The following SCN10A variants were observed in gnomAD, a reference collection of about 807,000 sequenced individuals.
SCN10A encodes sodium voltage-gated channel alpha subunit 10.
In SCN10A, 162 loss-of-function variants were observed where a neutral mutation model predicts 170.7. The observed-to-expected ratio is 0.95, with a 90% CI of 0.84 to 1.08. SCN10A has a LOEUF of 1.08. Among genes scored for constraint, SCN10A ranks in the 50% least tolerant of loss-of-function variants. The probability of loss-of-function intolerance (pLI) is 0.00; values close to 1 mark genes in which losing one functional copy is unlikely to be tolerated. For synonymous variants in SCN10A, 985 were observed against 904.6 expected (o/e 1.09, Z -1.59); for missense variants, 2,527 against 2,436.9 (o/e 1.04, Z -0.78).
intron 27 of SCN10A, among the ~76,000 whole-genome samples, chr3:38,700,953 C>T (rs995099650): frequency 2.0e-5 from 3 of 152,238 alleles, no homozygotes; most frequent in Admixed American, 2.0e-4. Flanking sequence ...CTGTTGGTGA[C>T]AGGCAGCAAG....
At chr3:38,706,675 A>C (rs1241886822) in intron 26 of SCN10A, among the ~76,000 whole-genome samples, 1 of 152,184 alleles carries the variant, frequency 6.6e-6, no homozygotes, top group Non-Finnish European at 1.5e-5. Context: ...CATTTAATGG[A>C]GGAACGCAAA....
intron 25 of SCN10A, among the ~76,000 whole-genome samples, chr3:38,708,937 T>G (rs2063240404): frequency 6.6e-6 from 1 of 152,190 alleles, no homozygotes; most frequent in Non-Finnish European, 1.5e-5. Context: ...GAAAGGATAA[T>G]AGGAAAATAC....
At chr3:38,788,804 A>C (rs2064242083) in intron 4 of SCN10A, 152 bp downstream of exon 4, 1 of 571,524 alleles carries the variant, frequency 1.7e-6, no homozygotes, top group South Asian at 2.6e-5. Flanking sequence ...TCACAGAAGG[A>C]GAGACCTGGT....
chr3:38,804,469 A>AT (rs2064393873), intron 1 of SCN10A, among the ~76,000 whole-genome samples: 1 of 152,118 alleles, frequency 6.6e-6, no homozygotes, highest in Admixed American at 6.6e-5. Context: ...GAAAGCATAG[A>AT]TTTTGTCTAT....
chr3:38,815,094 C>T (rs1202375681), intron 1 of SCN10A, among the ~76,000 whole-genome samples: 1 of 152,062 alleles, frequency 6.6e-6, no homozygotes, highest in Non-Finnish European at 1.5e-5. Flanking sequence ...ACTAAGTGTG[C>T]TAGAGCTATG....
intron 4 of SCN10A, among the ~76,000 whole-genome samples, chr3:38,781,612 A>T (rs1357578156): frequency 6.6e-6 from 1 of 152,138 alleles, no homozygotes; most frequent in East Asian, 1.9e-4. Flanking sequence ...AACCAGCGGG[A>T]TGCAGAAAAT....
intron 20 of SCN10A, among the ~76,000 whole-genome samples, chr3:38,720,315 T>C (rs2063377062): frequency 6.6e-6 from 1 of 152,242 alleles, no homozygotes; most frequent in Non-Finnish European, 1.5e-5. Flanking sequence ...GACTATTTAC[T>C]GAGAAAAATG....
Position 38,737,071 on chromosome 3 carries a change from C to T in SCN10A, c.2280+2444G>A, listed in dbSNP as rs527386649. On this transcript the variant is annotated intron_variant, in intron 15 of 27. Transcript: ENST00000449082. The stretch of plus-strand genomic sequence containing the variant: ...CTGTAAGCTCCGCCTCCCAGGTTCA[C>T]GCCATTCTCCTGCCTCAGCCTCCCG... Among the ~76,000 whole-genome samples the T allele has an allele frequency of 1.1e-4, 15 of 142,828 alleles. No individual in the cohort carries two copies. The East Asian group carries it at 3.2e-3, about 30-fold the overall frequency. The allele number at this position is 142,828 out of a possible 152,430, so 93.7% of individuals were successfully genotyped here. A position where few individuals can be genotyped will look rare whatever the true frequency, so the allele number is the denominator to read the frequency against.
intron 13 of SCN10A, among the ~76,000 whole-genome samples, chr3:38,743,538 G>A (rs1176997841): frequency 6.6e-6 from 1 of 151,964 alleles, no homozygotes; most frequent in East Asian, 1.9e-4. Context: ...TTTCTCTGCA[G>A]CCCCTGGAAT....
At chr3:38,749,981 C>T (rs920314201) in intron 13 of SCN10A, 92 bp downstream of exon 13, 4 of 664,058 alleles carry the variant, frequency 6.0e-6, no homozygotes, top group African/African-American at 3.6e-5. Context: ...CAGAGATGGA[C>T]GCTTTGACAC....
intron 22 of SCN10A, 139 bp downstream of exon 22, chr3:38,713,819 G>A (rs899472096): frequency 5.3e-6 from 5 of 937,266 alleles, no homozygotes; most frequent in Non-Finnish European, 7.9e-6. Context: ...GCAGAGACAG[G>A]GTTTCGGCAT....
At chr3:38,728,956 C>T (rs1258319554) in intron 15 of SCN10A, 55 bp from the exon 16 acceptor site, 1 of 1,531,726 alleles carries the variant, frequency 6.5e-7, no homozygotes. Context: ...TACCTTTCAT[C>T]TAAAGTTTTG....
chr3:38,721,625 G>A (rs1575953294), intron 20 of SCN10A, among the ~76,000 whole-genome samples: 1 of 152,230 alleles, frequency 6.6e-6, no homozygotes, highest in East Asian at 1.9e-4. Flanking sequence ...TCAAAGTGTG[G>A]GTCACTGAGG....
chr3:38,735,561 G>C (rs1035732438), intron 15 of SCN10A, among the ~76,000 whole-genome samples: 1 of 152,176 alleles, frequency 6.6e-6, no homozygotes, highest in African/African-American at 2.4e-5. Context: ...TGTGTATGTG[G>C]GTATGTAACT....
intron 1 of SCN10A, among the ~76,000 whole-genome samples, chr3:38,812,729 C>T (rs1245192846): frequency 1.3e-5 from 2 of 152,086 alleles, no homozygotes; most frequent in Admixed American, 6.5e-5. Context: ...CTCCTCTCTT[C>T]TATCTATCTA....
chr3:38,728,513 C>G (rs768521742), intron 16 of SCN10A, 29 bp downstream of exon 16: 1 of 1,529,424 alleles, frequency 6.5e-7, no homozygotes, highest in Non-Finnish European at 8.8e-7. Flanking sequence ...CCCCAGGAGA[C>G]AGTGCCCCCA....
At chr3:38,719,685 G>A (rs6763628) in intron 20 of SCN10A, among the ~76,000 whole-genome samples, 10,542 of 152,124 alleles carry the variant, frequency 0.069, 1,042 homozygotes, top group African/African-American at 0.21. Flanking sequence ...GAGCCACCGC[G>A]CCCGGCCACT....
Position 38,718,827 on chromosome 3 carries a change from C to T in SCN10A, c.3508-1G>A, listed in dbSNP as rs1286517834. 1.2e-6 allele frequency: 2 copies of T among 1,613,812 alleles called. No individual in the cohort carries two copies. The highest frequency in any genetic ancestry group is 4.5e-5 in the East Asian group (2 of 44,882). Reference sequence around the variant, plus strand: ...GGTCCAGGTAATAGTCTTCAAAGGCCTGGAAGGAAGAAAGGATGCAGAATG... The same window carrying T: ...GGTCCAGGTAATAGTCTTCAAAGGCTTGGAAGGAAGAAAGGATGCAGAATG... On this transcript the variant is annotated splice_acceptor_variant, in intron 20 of 27. Coordinates refer to ENST00000449082, the MANE Select transcript of SCN10A (RefSeq NM_006514.4). LOFTEE classifies it high-confidence loss of function.
intron 27 of SCN10A, among the ~76,000 whole-genome samples, chr3:38,699,590 A>G: frequency 6.6e-6 from 1 of 151,320 alleles, no homozygotes; most frequent in East Asian, 1.9e-4. Context: ...AAAGAGGAAG[A>G]AAGTAGAAGG....
Sources: allele counts gnomAD v4.1 joint callset (sites outside exome capture counted in the v4.1 genomes callset), GRCh38; gene constraint gnomAD v4.1.1; transcripts MANE v1.5; gene names NCBI Gene and HGNC (gene_info 2026-07-23, HGNC 2026-07-21).